The following FBXL5 variants were observed in gnomAD, a reference collection of about 807,000 sequenced individuals.
FBXL5 encodes F-box and leucine rich repeat protein 5.
In FBXL5, 26 loss-of-function variants were observed where a neutral mutation model predicts 78.3. That is an observed-to-expected ratio of 0.33 (90% CI 0.24 to 0.46). The LOEUF (loss-of-function observed/expected upper bound fraction) is 0.46, where lower values mean the gene tolerates loss of function less well. Ranked by LOEUF, FBXL5 falls within the 20% of genes least tolerant of loss-of-function variation. FBXL5 has a pLI of 1.00. For missense variants in FBXL5, 710 were observed against 829.2 expected (o/e 0.86, Z 1.77); for synonymous variants, 295 against 282.5 (o/e 1.04, Z -0.45).
chr4:15,621,188 G>A (rs184500072), intron 9 of FBXL5, among the ~76,000 whole-genome samples: 4 of 152,182 alleles, frequency 2.6e-5, no homozygotes, highest in Admixed American at 2.6e-4. Context: ...TCTGTAGATG[G>A]CACGACCTTA....
intron 4 of FBXL5, among the ~76,000 whole-genome samples, chr4:15,637,293 G>C (rs1175704950): frequency 6.6e-6 from 1 of 152,162 alleles, no homozygotes; most frequent in African/African-American, 2.4e-5. Context: ...CATTGATAAT[G>C]AAACTTTTGT....
intron 3 of FBXL5, among the ~76,000 whole-genome samples, chr4:15,639,795 T>TA (rs1246026160): frequency 1.3e-5 from 2 of 152,352 alleles, no homozygotes; most frequent in African/African-American, 4.8e-5. Flanking sequence ...GGTCTTAAAA[T>TA]ACTATCGGGG....
At chr4:15,629,328 T>C (rs1039366902) in intron 6 of FBXL5, among the ~76,000 whole-genome samples, 1 of 152,128 alleles carries the variant, frequency 6.6e-6, no homozygotes, top group African/African-American at 2.4e-5. Flanking sequence ...GAATTAATTT[T>C]CTAGAATGAA....
At chr4:15,661,640 T>TC (rs1717316138), upstream of FBXL5, among the ~76,000 whole-genome samples, 1 of 152,238 alleles carries the variant, frequency 6.6e-6, no homozygotes, top group East Asian at 1.9e-4. Flanking sequence ...GTCTTTTTTT[T>TC]CTCTTTTTCT....
chr4:15,640,871 G>T lies in FBXL5; in HGVS notation c.313C>A (p.Gln105Lys). 6.7e-7 allele frequency: 1 copy of T among 1,485,724 alleles called. No individual in the cohort carries two copies. The highest frequency in any genetic ancestry group is 9.0e-7 in the Non-Finnish European group (1 of 1,112,768). The allele number at this position is 1,485,724 out of a possible 1,614,324, so 92.0% of individuals were successfully genotyped here. A position where few individuals can be genotyped will look rare whatever the true frequency, so the allele number is the denominator to read the frequency against. The change falls in exon 3 of 11, where the codon CAG (glutamine) becomes AAG (lysine). Residue 105 changes from glutamine (Q) to lysine (K), a missense_variant. By Grantham distance (53) the Gln-to-Lys change is moderately conservative. Around this residue, in one of 4 missense-constraint regions of FBXL5, gnomAD observed 132 missense variants for 156.9 expected, o/e 0.84. Transcript: ENST00000341285. The part of the protein sequence containing the change: ...GLKNVKNEYE[Q>K]LNYAKQLKER... ...TTCAGTTGTTTTGCATAATTTAACTGTTCATATTCATTCTGGAAACCAAAA... is the reference window on the plus strand; with the variant it reads ...TTCAGTTGTTTTGCATAATTTAACTTTTCATATTCATTCTGGAAACCAAAA...
At chr4:15,614,247 T>A (rs1354762833) in intron 9 of FBXL5, among the ~76,000 whole-genome samples, 1 of 152,210 alleles carries the variant, frequency 6.6e-6, no homozygotes, top group Non-Finnish European at 1.5e-5. Flanking sequence ...GACTCCAGGC[T>A]GGTACTGGGC....
At chr4:15,621,148 AT>A (rs1316607541) in intron 9 of FBXL5, among the ~76,000 whole-genome samples, 4 of 152,182 alleles carry the variant, frequency 2.6e-5, no homozygotes, top group Non-Finnish European at 5.9e-5. Context: ...TCGGCAGTCT[AT>A]TTTGGAAAAT....
chr4:15,643,906 T>C (rs1351696409), intron 2 of FBXL5, among the ~76,000 whole-genome samples: 1 of 152,204 alleles, frequency 6.6e-6, no homozygotes, highest in African/African-American at 2.4e-5. Context: ...GTGAGTAGCA[T>C]TCATTATAAA....
At chr4:15,628,991 A>G (rs1713359272) in intron 6 of FBXL5, among the ~76,000 whole-genome samples, 1 of 152,040 alleles carries the variant, frequency 6.6e-6, no homozygotes, top group Admixed American at 6.6e-5. Context: ...ATGTGATACT[A>G]TGGAACCTGT....
At chr4:15,609,390 A>G (rs1414380476) in intron 10 of FBXL5, among the ~76,000 whole-genome samples, 1 of 152,072 alleles carries the variant, frequency 6.6e-6, no homozygotes, top group Non-Finnish European at 1.5e-5. Flanking sequence ...CCAGACTTTT[A>G]TTATTGAATA....
chr4:15,612,099 A>G, intron 10 of FBXL5, 167 bp downstream of exon 10: 1 of 524,154 alleles, frequency 1.9e-6, no homozygotes, highest in Admixed American at 4.2e-5. Context: ...TCAAGATGTT[A>G]ATTAATGAAA....
intron 1 of FBXL5, among the ~76,000 whole-genome samples, chr4:15,670,273 A>G (rs1285991748): frequency 6.6e-6 from 1 of 152,218 alleles, no homozygotes; most frequent in Admixed American, 6.5e-5. Flanking sequence ...TCTTGGGTAA[A>G]TACCTAGGAG....
At chr4:15,657,939 A>G (rs1436407798), upstream of FBXL5, among the ~76,000 whole-genome samples, 4 of 152,248 alleles carry the variant, frequency 2.6e-5, no homozygotes, top group African/African-American at 9.6e-5. Flanking sequence ...ATTGACCACC[A>G]CAAGAAGTCT....
intron 1 of FBXL5, among the ~76,000 whole-genome samples, chr4:15,677,976 G>T (rs1205480394): frequency 6.6e-6 from 1 of 152,144 alleles, no homozygotes; most frequent in East Asian, 1.9e-4. Context: ...AATTAGTAAC[G>T]AAATTGAATT....
upstream of FBXL5, among the ~76,000 whole-genome samples, chr4:15,656,881 A>G (rs1425642285): frequency 2.0e-5 from 3 of 152,018 alleles, no homozygotes; most frequent in Non-Finnish European, 4.4e-5. Context: ...AAGACATTCT[A>G]GTAGTTGCCT....
At chr4:15,634,935 A>T (rs961085964) in intron 5 of FBXL5, among the ~76,000 whole-genome samples, 1 of 152,180 alleles carries the variant, frequency 6.6e-6, no homozygotes, top group African/African-American at 2.4e-5. Flanking sequence ...ATCCTACAAC[A>T]GAAAAAATTA....
At chr4:15,671,549 C>T (rs1715617604) in intron 1 of FBXL5, among the ~76,000 whole-genome samples, 2 of 152,174 alleles carry the variant, frequency 1.3e-5, no homozygotes, top group African/African-American at 4.8e-5. Context: ...GTTGGAATTA[C>T]AGGCGTGAGC....
intron 9 of FBXL5, among the ~76,000 whole-genome samples, chr4:15,616,630 C>A (rs1298264558): frequency 6.6e-6 from 1 of 152,206 alleles, no homozygotes; most frequent in African/African-American, 2.4e-5. Flanking sequence ...TTCCTTCTCC[C>A]TATGGTCTTT....
intron 6 of FBXL5, among the ~76,000 whole-genome samples, chr4:15,628,938 A>AT (rs1336417784): frequency 6.6e-6 from 1 of 151,952 alleles, no homozygotes; most frequent in Non-Finnish European, 1.5e-5. Context: ...TAAATTTTTA[A>AT]TTTTTTATTG....
Sources: allele counts gnomAD v4.1 joint callset (sites outside exome capture counted in the v4.1 genomes callset), GRCh38; gene constraint gnomAD v4.1.1; regional missense constraint gnomAD v4.1.1; transcripts MANE v1.5; gene names NCBI Gene and HGNC (gene_info 2026-07-23, HGNC 2026-07-21).